PRRG4: variants seen among roughly 807,000 people sequenced by gnomAD.
The protein encoded by PRRG4 is proline rich and Gla domain 4, also known as transmembrane gamma-carboxyglutamic acid protein 4.
A neutral mutation model predicts 20.0 loss-of-function variants in PRRG4; 12 were observed. That is an observed-to-expected ratio of 0.60 (90% CI 0.38 to 0.97). The LOEUF (loss-of-function observed/expected upper bound fraction) is 0.97. Ranked by LOEUF, PRRG4 falls within the 50% of genes least tolerant of loss-of-function variation. The pLI, the probability that PRRG4 is intolerant of heterozygous loss-of-function variation, is 0.00. For missense variants in PRRG4, 199 were observed against 265.1 expected, an observed-to-expected ratio of 0.75 and a Z score of 1.73; for synonymous variants, 94 against 96.4, an observed-to-expected ratio of 0.98 and a Z score of 0.15.
intron 5 of PRRG4, among the ~76,000 whole-genome samples, chr11:32,850,369 C>A (rs764714775): frequency 3.3e-5 from 5 of 152,278 alleles, no homozygotes; most frequent in African/African-American, 4.8e-5. Context: ...AGTAAAGTGG[C>A]ACTGTGATTA....
intron 5 of PRRG4, among the ~76,000 whole-genome samples, chr11:32,850,807 C>T (rs563625887): frequency 1.5e-4 from 23 of 152,312 alleles, no homozygotes; most frequent in Admixed American, 1.2e-3. Context: ...CGGTGGCTCA[C>T]GCCTGTAATC....
At chr11:32,837,706 T>C (rs1465393629) in intron 3 of PRRG4, among the ~76,000 whole-genome samples, 3 of 151,846 alleles carry the variant, frequency 2.0e-5, no homozygotes, top group African/African-American at 7.3e-5. Flanking sequence ...TACAGGCACA[T>C]GCCACCACGC....
intron 3 of PRRG4, among the ~76,000 whole-genome samples, chr11:32,837,175 G>C (rs1851028046): frequency 6.6e-6 from 1 of 151,972 alleles, no homozygotes; most frequent in Admixed American, 6.6e-5. Context: ...AAGATTTTAT[G>C]GTTAGTGCTC....
At chr11:32,832,478 T>C (rs1691746400) in intron 2 of PRRG4, among the ~76,000 whole-genome samples, 1 of 90,776 alleles carries the variant, frequency 1.1e-5, no homozygotes, top group South Asian at 4.7e-4. Context: ...TTGGTGAAAT[T>C]CTTTTTTTTT....
rs1565111749 is a variant in PRRG4 at position 32,830,619 on chromosome 11, T to C, written c.90T>C (p.His30=). 1.9e-6 allele frequency: 3 copies of C among 1,613,760 alleles called. No individual in the cohort carries two copies. Among genetic ancestry groups the C allele is most frequent in the African/African-American group, 1.3e-5 (1 of 74,856 alleles). ...CAAGAGGTCCAAAGGCTTCTAAGCA[T>C]GCGGGAGAAGAAGGTAAGCACTAAA... is the stretch of plus-strand genomic sequence containing the variant. ...HCARGPKASK[H]AGEEVFTSKE... is the part of the protein sequence containing the mutation. The change falls in exon 2 of 6, where the codon CAT becomes CAC. Residue 30 remains histidine, a synonymous_variant. Coordinates refer to ENST00000257836, the MANE Select transcript of PRRG4 (RefSeq NM_024081.6).
intron 5 of PRRG4, among the ~76,000 whole-genome samples, chr11:32,842,851 G>GTAT (rs1182389168): frequency 1.3e-5 from 2 of 151,860 alleles, no homozygotes; most frequent in Non-Finnish European, 2.9e-5. Flanking sequence ...TGAAGAAAGT[G>GTAT]TATTATTATT....
chr11:32,844,988 C>G (rs1851114901), intron 5 of PRRG4, among the ~76,000 whole-genome samples: 1 of 152,020 alleles, frequency 6.6e-6, no homozygotes, highest in African/African-American at 2.4e-5. Context: ...ATAGTATAAT[C>G]AGAAAGTATT....
chr11:32,848,778 C>T (rs1027055030), intron 5 of PRRG4, among the ~76,000 whole-genome samples: 2 of 151,842 alleles, frequency 1.3e-5, no homozygotes, highest in Admixed American at 6.6e-5. Context: ...TCAAGACCTG[C>T]CTAGCCAACA....
chr11:32,835,191 T>C (rs1043495416), intron 2 of PRRG4, among the ~76,000 whole-genome samples: 2 of 152,214 alleles, frequency 1.3e-5, no homozygotes, highest in African/African-American at 4.8e-5. Context: ...TTCAGACCTG[T>C]TTGGAAAGAT....
chr11:32,844,433 G>T (rs1465198043), intron 5 of PRRG4, among the ~76,000 whole-genome samples: 1 of 151,454 alleles, frequency 6.6e-6, no homozygotes, highest in Non-Finnish European at 1.5e-5. Flanking sequence ...AGAGTGCTTG[G>T]TAGCAAGAGT....
In PRRG4 at chr11:32,830,158, G is replaced by A; in HGVS notation, c.-38G>A. On this transcript the variant is annotated 5_prime_UTR_variant, in exon 1 of 6. In the 5' UTR this introduces an upstream ATG that the reference lacks. Coordinates refer to ENST00000257836, the MANE Select transcript of PRRG4 (RefSeq NM_024081.6). The stretch of plus-strand genomic sequence containing the variant: ...TCTGGCCCGGGGGCTGCTGGAACAT[G>A]TGCGGGGGGACACAGGTACGAGGCC... 2.9e-6 allele frequency: 3 copies of A among 1,020,192 alleles called. No individual in the cohort carries two copies. Among genetic ancestry groups the A allele is most frequent in the Non-Finnish European group, 3.5e-6 (3 of 853,430 alleles). 63.2% of individuals were successfully genotyped at this position (1,020,192 alleles called of 1,614,324 possible).
Position 32,830,607 on chromosome 11 carries a change from G to A in PRRG4, c.78G>A (p.Lys26=), listed in dbSNP as rs769650032. The A allele has an allele frequency of 1.2e-6, 2 of 1,613,912 alleles. No individual in the cohort carries two copies. The highest frequency in any genetic ancestry group is 1.7e-6 in the Non-Finnish European group (2 of 1,179,956). Residue 26 remains lysine, a synonymous_variant, in exon 2 of 6, where the codon AAG becomes AAA. Transcript: ENST00000257836. ...TTCCTCATTGCGCAAGAGGTCCAAA[G>A]GCTTCTAAGCATGCGGGAGAAGAAG... ...LGFPHCARGP[K]ASKHAGEEVF...
chr11:32,837,534 TGA>T (rs1491371730), intron 3 of PRRG4, among the ~76,000 whole-genome samples: 6,681 of 103,706 alleles, frequency 0.064, 157 homozygotes, highest in South Asian at 0.092. Context: ...ATGATGATGA[TGA>T]TGATGATTAT....
At chr11:32,830,830 C>T (rs1590665332) in intron 2 of PRRG4, among the ~76,000 whole-genome samples, 198 bp downstream of exon 2, 1 of 152,122 alleles carries the variant, frequency 6.6e-6, no homozygotes, top group Non-Finnish European at 1.5e-5. Flanking sequence ...GTCTGTGAGT[C>T]TCCTTTAATA....
chr11:32,837,075 T>G (rs972083917), intron 3 of PRRG4, among the ~76,000 whole-genome samples: 2 of 152,220 alleles, frequency 1.3e-5, no homozygotes, highest in Non-Finnish European at 2.9e-5. Context: ...TTAAAAGTAA[T>G]CATGGGGCAG....
intron 5 of PRRG4, among the ~76,000 whole-genome samples, chr11:32,849,826 T>G (rs1011967472): frequency 6.6e-6 from 1 of 152,184 alleles, no homozygotes; most frequent in Non-Finnish European, 1.5e-5. Context: ...CTGGAATTCT[T>G]GAAAAGTTCC....
intron 5 of PRRG4, among the ~76,000 whole-genome samples, chr11:32,844,644 G>A (rs1293171347): frequency 6.6e-6 from 1 of 151,916 alleles, no homozygotes; most frequent in African/African-American, 2.4e-5. Flanking sequence ...GAGATTACAG[G>A]CATCTGCCAC....
chr11:32,852,316 G>C (rs1851189969), intron 5 of PRRG4, among the ~76,000 whole-genome samples: 1 of 152,200 alleles, frequency 6.6e-6, no homozygotes, highest in South Asian at 2.1e-4. Context: ...ACGGGACTTA[G>C]AACTTGACTC....
intron 2 of PRRG4, among the ~76,000 whole-genome samples, chr11:32,831,294 G>C (rs755793898): frequency 2.8e-4 from 42 of 152,162 alleles, no homozygotes; most frequent in Admixed American, 9.8e-4. Flanking sequence ...CTGTCTCTCA[G>C]CATCCTTCTC....
Sources: allele counts gnomAD v4.1 joint callset (sites outside exome capture counted in the v4.1 genomes callset), GRCh38; gene constraint gnomAD v4.1.1; transcripts MANE v1.5; gene names NCBI Gene and HGNC (gene_info 2026-07-23, HGNC 2026-07-21).